The following MKLN1 variants were observed in gnomAD, a reference collection of about 807,000 sequenced individuals.
The protein encoded by MKLN1 is muskelin.
Under a neutral mutation model 99.0 loss-of-function variants are expected in MKLN1, and 18 were observed. The ratio of observed to expected loss-of-function variants is 0.18; its 90% CI spans 0.13 to 0.27. MKLN1 has a LOEUF of 0.27. MKLN1 is among the 10% of genes least tolerant of loss of function. The pLI, the probability that MKLN1 is intolerant of heterozygous loss-of-function variation, is 1.00. For synonymous variants in MKLN1, 288 were observed against 293.2 expected (o/e 0.98, Z 0.18); for missense variants, 621 against 875.9 (o/e 0.71, Z 3.67).
At chr7:131,168,966 C>T (rs1796176515) in intron 2 of MKLN1, among the ~76,000 whole-genome samples, 1 of 151,398 alleles carries the variant, frequency 6.6e-6, no homozygotes, top group South Asian at 2.1e-4. Context: ...CTCCTGGGTT[C>T]AAGCAATTCG....
chr7:131,361,035 C>T (rs1467206743), intron 1 of MKLN1, among the ~76,000 whole-genome samples: 1 of 151,954 alleles, frequency 6.6e-6, no homozygotes, highest in East Asian at 1.9e-4. Flanking sequence ...CTCCTTGTTT[C>T]TCTATAAATG....
At chr7:131,184,980 AAG>A (rs1340980719) in intron 2 of MKLN1, among the ~76,000 whole-genome samples, 1 of 152,210 alleles carries the variant, frequency 6.6e-6, no homozygotes, top group East Asian at 1.9e-4. Context: ...GCCATCAGGA[AAG>A]AGTCAACACG....
At chr7:131,300,395 G>A (rs1798358594) in intron 3 of MKLN1, among the ~76,000 whole-genome samples, 1 of 151,888 alleles carries the variant, frequency 6.6e-6, no homozygotes, top group Non-Finnish European at 1.5e-5. Context: ...TAAGATCAAT[G>A]TGGGGCTGGG....
At chr7:131,189,566 C>G (rs1796504622) in intron 2 of MKLN1, among the ~76,000 whole-genome samples, 1 of 151,764 alleles carries the variant, frequency 6.6e-6, no homozygotes, top group Non-Finnish European at 1.5e-5. Flanking sequence ...CCCAAACCAC[C>G]CAGACAAACC....
At chr7:131,175,433 C>A (rs1042438494) in intron 2 of MKLN1, among the ~76,000 whole-genome samples, 2 of 152,078 alleles carry the variant, frequency 1.3e-5, no homozygotes, top group Non-Finnish European at 2.9e-5. Context: ...ATTTTGTAAT[C>A]CCACAACATT....
At chr7:131,355,630 A>ATATATATATATATATG (rs1554557280) in intron 1 of MKLN1, among the ~76,000 whole-genome samples, 1 of 58,222 alleles carries the variant, frequency 1.7e-5, no homozygotes, top group African/African-American at 5.9e-5. Context: ...ACTTGATACT[A>ATATATATATATATATG]TATATATATA....
chr7:131,323,998 A>G (rs892354252), upstream of MKLN1: 1 of 152,146 alleles, frequency 6.6e-6, no homozygotes, highest in Non-Finnish European at 1.5e-5. Flanking sequence ...ATAAAATGAA[A>G]CCACTGGTGC....
At chr7:131,429,294 A>G in intron 9 of MKLN1, 149 bp downstream of exon 9, 2 of 530,382 alleles carry the variant, frequency 3.8e-6, no homozygotes, top group Admixed American at 6.9e-5. Flanking sequence ...AGTACTCTTG[A>G]ATTTCAGCTT....
At chr7:131,199,522 AG>A (rs1394369178) in intron 2 of MKLN1, among the ~76,000 whole-genome samples, 1 of 152,196 alleles carries the variant, frequency 6.6e-6, no homozygotes, top group East Asian at 1.9e-4. Context: ...TACTCACTGA[AG>A]AATATTATTC....
At chr7:131,297,359 CA>C (rs1798306523) in intron 3 of MKLN1, among the ~76,000 whole-genome samples, 1 of 151,120 alleles carries the variant, frequency 6.6e-6, no homozygotes, top group African/African-American at 2.4e-5. Flanking sequence ...GACTCCGTCT[CA>C]AAAAACAAAA....
chr7:131,400,858 G>C (rs1794522846), intron 6 of MKLN1, among the ~76,000 whole-genome samples: 1 of 152,052 alleles, frequency 6.6e-6, no homozygotes, highest in African/African-American at 2.4e-5. Context: ...AGAGAAATTA[G>C]TAGTTGCTCA....
At chr7:131,250,679 G>T (rs182960848) in intron 3 of MKLN1, among the ~76,000 whole-genome samples, 1 of 152,158 alleles carries the variant, frequency 6.6e-6, no homozygotes, top group Admixed American at 6.5e-5. Context: ...GTTAATTGGG[G>T]GTTGTATCGT....
rs1358020237 is a variant in MKLN1, at chr7:131,251,278, A to G, written c.-179+48304A>G. On this transcript the variant is annotated intron_variant, in intron 3 of 7. Coordinates refer to the MKLN1 transcript ENST00000416992. ...ATTAAGCAAGAAATCCCCTTTGAGC[A>G]CCAAAGATATTAAACGACCTTATTG... Among the ~76,000 whole-genome samples the G allele has an allele frequency of 4.6e-5, 7 of 152,324 alleles. No homozygotes were observed. The East Asian group carries it at 1.3e-3, about 29-fold the overall frequency.
chr7:131,263,806 G>A (rs1447390099), intron 3 of MKLN1, among the ~76,000 whole-genome samples: 3 of 152,054 alleles, frequency 2.0e-5, no homozygotes, highest in Non-Finnish European at 4.4e-5. Flanking sequence ...CTGACCTCAC[G>A]TGATCCACCT....
chr7:131,204,837 G>A (rs13226197), intron 3 of MKLN1, among the ~76,000 whole-genome samples: 27,143 of 151,934 alleles, frequency 0.18, 2,896 homozygotes, highest in Non-Finnish European at 0.25. Flanking sequence ...AGGAGGCTGA[G>A]GCAGGAGAAT....
chr7:131,231,002 C>A (rs1424228580), intron 3 of MKLN1, among the ~76,000 whole-genome samples: 1 of 151,594 alleles, frequency 6.6e-6, no homozygotes, highest in Admixed American at 6.6e-5. Flanking sequence ...CGCCTGTAGT[C>A]CCAGCTACTT....
intron 2 of MKLN1, among the ~76,000 whole-genome samples, chr7:131,189,988 C>T (rs1333625018): frequency 6.6e-6 from 1 of 151,964 alleles, no homozygotes; most frequent in Non-Finnish European, 1.5e-5. Flanking sequence ...GGGTGGGTCA[C>T]AAGGTTAAAT....
Position 131,495,327 on chromosome 7 carries a change from T to A in MKLN1, c.*7599T>A, listed in dbSNP as rs985072004. 6.6e-5 allele frequency: 10 copies of A among 152,300 alleles called. No homozygotes were observed. The highest frequency in any genetic ancestry group is 2.4e-4 in the African/African-American group (10 of 41,570). 9.4% of individuals were successfully genotyped at this position (152,300 alleles called of 1,614,324 possible). On this transcript the variant is annotated 3_prime_UTR_variant, in exon 18 of 18. Transcript: ENST00000352689. ...TCTGCTTATTAATGCTGTGAATCGCTCCTTCTGTTTGTGAAAACATCTCCT... is the reference window on the plus strand; with the variant it reads ...TCTGCTTATTAATGCTGTGAATCGCACCTTCTGTTTGTGAAAACATCTCCT...
chr7:131,172,898 T>C (rs1354304575), intron 2 of MKLN1, among the ~76,000 whole-genome samples: 1 of 152,168 alleles, frequency 6.6e-6, no homozygotes, highest in Non-Finnish European at 1.5e-5. Flanking sequence ...GATGAATGAC[T>C]TAAATGTAGT....
Sources: gnomAD v4.1 joint callset for allele counts (sites outside exome capture counted in the v4.1 genomes callset) on GRCh38, gnomAD v4.1.1 for gene constraint, MANE v1.5 for transcripts, NCBI Gene and HGNC (gene_info 2026-07-23, HGNC 2026-07-21) for gene names.